The following RASIP1 variants were observed in gnomAD, a reference collection of about 807,000 sequenced individuals.
The protein encoded by RASIP1 is ras-interacting protein 1.
Under a neutral mutation model 85.3 loss-of-function variants are expected in RASIP1, and 20 were observed. That is an observed-to-expected ratio of 0.23 (90% CI 0.17 to 0.34). RASIP1 has a LOEUF of 0.34. Among genes scored for constraint, RASIP1 ranks in the 10% least tolerant of loss-of-function variants. RASIP1 has a pLI of 1.00. For missense variants in RASIP1, 1,170 were observed against 1,390.9 expected (o/e 0.84, Z 2.53); for synonymous variants, 617 against 647.1 (o/e 0.95, Z 0.71).
intron 3 of RASIP1, among the ~76,000 whole-genome samples, chr19:48,735,977 G>A (rs974271468): frequency 6.6e-6 from 1 of 151,224 alleles, no homozygotes; most frequent in Non-Finnish European, 1.5e-5. Context: ...TGTATTTTTA[G>A]TATAGATGGG....
At chr19:48,733,883 A>C (rs918788366) in intron 4 of RASIP1, among the ~76,000 whole-genome samples, 1 of 151,998 alleles carries the variant, frequency 6.6e-6, no homozygotes, top group South Asian at 2.1e-4. Context: ...ACGTGATCCC[A>C]GGCAACAAAT....
Position 48,738,998 on chromosome 19 carries a change from C to A in RASIP1, c.785G>T (p.Arg262Leu), listed in dbSNP as rs1481321913. 4 of 1,244,800 alleles carry A rather than the reference C, an allele frequency of 3.2e-6. No individual in the cohort carries two copies. Among genetic ancestry groups the A allele is most frequent in the South Asian group, 3.3e-5 (1 of 30,334 alleles). The allele number at this position is 1,244,800 out of a possible 1,614,324, so 77.1% of individuals were successfully genotyped here. ...GGCCCCGAAGGCCTCCTGCTCCAGG[C>A]GCCGCGCCTCCTCGCGGCCGCGCAA... The part of the protein sequence containing the change: ...FELRGREEAR[R>L]LEQEAFGAAD... Residue 262 changes from arginine to leucine, a missense_variant, in exon 3 of 12, where the codon CGC becomes CTC. Coordinates refer to ENST00000222145, the MANE Select transcript of RASIP1 (RefSeq NM_017805.3). The surrounding 1 kb of genome is among the most constrained non-coding windows in gnomAD (Gnocchi z 4.0).
At chr19:48,723,803 C>CTTTTTT (rs34173404) in intron 10 of RASIP1, among the ~76,000 whole-genome samples, 2 of 127,026 alleles carry the variant, frequency 1.6e-5, no homozygotes, top group Non-Finnish European at 1.6e-5. Flanking sequence ...ACCCTGGAAA[C>CTTTTTT]TTTTTTTTTT....
Position 48,724,766 on chromosome 19 carries a change from G to C in RASIP1, c.2322C>G (p.Tyr774Ter). ...GGGATGCGTTGGAGAAGAAGAACAA[G>C]TAGCCAAAAGTCTGAGACACGAGGT... ...HPDLVSQTFG[Y>*]LFFFSNASLL... The change falls in exon 9 of 12, where the codon TAC becomes TAG. Residue 774 changes from tyrosine to a stop codon, truncating the protein, a stop_gained. Transcript: ENST00000222145. LOFTEE classifies it high-confidence loss of function. The surrounding 1 kb of genome is among the most constrained non-coding windows in gnomAD (Gnocchi z 4.6). 1 of 1,614,192 alleles carries C rather than the reference G, an allele frequency of 6.2e-7. No individual in the cohort carries two copies. The highest frequency in any genetic ancestry group is 8.5e-7 in the Non-Finnish European group (1 of 1,180,040).
chr19:48,739,664 A>C lies in RASIP1; in HGVS notation c.138-19T>G. The stretch of plus-strand genomic sequence containing the variant: ...AGAAGACCTGGGAGTCCGCCGGGGA[A>C]CAGAGTCGCGGGAGAGAGACCCAGG... On this transcript the variant is annotated intron_variant, in intron 2 of 11. Coordinates refer to ENST00000222145, the MANE Select transcript of RASIP1 (RefSeq NM_017805.3). This position sits in a 1 kb window ranked among gnomAD's most constrained non-coding sequence, Gnocchi z 9.2. 1 of 1,383,198 alleles carries C rather than the reference A, an allele frequency of 7.2e-7. No homozygotes were observed. Among genetic ancestry groups the C allele is most frequent in the South Asian group, 1.6e-5 (1 of 64,308 alleles). The allele number at this position is 1,383,198 out of a possible 1,614,324, so 85.7% of individuals were successfully genotyped here. A position where few individuals can be genotyped will look rare whatever the true frequency, so the allele number is the denominator to read the frequency against.
In RASIP1 at chr19:48,724,688, C is replaced by T. The variant is rs1375684628; in HGVS notation, c.2371+29G>A. The T allele has an allele frequency of 3.7e-6, 6 of 1,613,010 alleles. No homozygotes were observed. The South Asian group carries it at 5.5e-5, about 15-fold the overall frequency. On this transcript the variant is annotated intron_variant, in intron 9 of 11. Coordinates refer to ENST00000222145, the MANE Select transcript of RASIP1 (RefSeq NM_017805.3). This position sits in a 1 kb window ranked among gnomAD's most constrained non-coding sequence, Gnocchi z 4.6. ...GAGTCTCAGTGGCTCCTGTCTTTGC[C>T]TCCCTGACAGCTCCCAGCCAACCTT...
intron 10 of RASIP1, among the ~76,000 whole-genome samples, chr19:48,723,559 CAAA>C (rs56200310): frequency 1.4e-4 from 11 of 77,298 alleles, no homozygotes; most frequent in Admixed American, 4.0e-4. Context: ...GACTCCGTCT[CAAA>C]AAAAAAAAAA....
At position 48,729,005 on chromosome 19, in the gene RASIP1, C is replaced by A; in HGVS notation, c.1765G>T (p.Glu589Ter). 1 of 1,452,088 alleles carries A rather than the reference C, an allele frequency of 6.9e-7. No homozygotes were observed. The allele number at this position is 1,452,088 out of a possible 1,614,324, so 90.0% of individuals were successfully genotyped here. A position where few individuals can be genotyped will look rare whatever the true frequency, so the allele number is the denominator to read the frequency against. ...CGTGGCAGGTGGCCCAGCTCCAGCTCACGGGCGGAATGCTGCACGCACAGC... is the reference window on the plus strand; with the variant it reads ...CGTGGCAGGTGGCCCAGCTCCAGCTAACGGGCGGAATGCTGCACGCACAGC... ...LALCVQHSAR[E>*]LELGHLPRLL... Residue 589 changes from glutamate (E) to a stop codon, truncating the protein, a stop_gained, in exon 5 of 12, where the codon GAG becomes TAG. Coordinates refer to ENST00000222145, the MANE Select transcript of RASIP1 (RefSeq NM_017805.3). LOFTEE classifies it high-confidence loss of function.
At chr19:48,729,768 C>T (rs1056240693) in intron 4 of RASIP1, among the ~76,000 whole-genome samples, 178 bp from the exon 5 acceptor site, 6 of 134,514 alleles carry the variant, frequency 4.5e-5, no homozygotes, top group Admixed American at 4.2e-4. Flanking sequence ...AGGCTGGAGT[C>T]CAGTGGCACG....
At chr19:48,733,445 A>T (rs1187136998) in intron 4 of RASIP1, among the ~76,000 whole-genome samples, 2 of 152,224 alleles carry the variant, frequency 1.3e-5, no homozygotes, top group Non-Finnish European at 2.9e-5. Context: ...AGATAGAAGG[A>T]TCAATACCAC....
rs2033656431 is a variant in RASIP1 at position 48,740,544 on chromosome 19, G to A, written c.-28C>T. 3 of 1,385,404 alleles carry A rather than the reference G, an allele frequency of 2.2e-6. No individual in the cohort carries two copies. The highest frequency in any genetic ancestry group is 2.8e-5 in the East Asian group (1 of 35,522). The allele number at this position is 1,385,404 out of a possible 1,614,324, so 85.8% of individuals were successfully genotyped here. A position where few individuals can be genotyped will look rare whatever the true frequency, so the allele number is the denominator to read the frequency against. On this transcript the variant is annotated 5_prime_UTR_variant, in exon 1 of 12. Transcript: ENST00000222145. This position sits in a 1 kb window ranked among gnomAD's most constrained non-coding sequence, Gnocchi z 5.5. ...ACCCTGCTTCGGGTCCGGCACACCCGGAGGCCCTGGCTCCACTGGCCTGGG... is the reference window on the plus strand; with the variant it reads ...ACCCTGCTTCGGGTCCGGCACACCCAGAGGCCCTGGCTCCACTGGCCTGGG...
Position 48,720,842 on chromosome 19 carries a change from G to A in RASIP1, c.2848C>T (p.Pro950Ser). 1 of 1,614,102 alleles carries A rather than the reference G, an allele frequency of 6.2e-7. No individual in the cohort carries two copies. ...LLWDLEQQELPANYRHGPPVA... is the reference protein window; with the variant it reads ...LLWDLEQQELSANYRHGPPVA... ...GGAGGCCCATGGCGATAATTGGCTG[G>A]CAGCTCCTGCTGCTCAAGATCCCAG... is the stretch of plus-strand genomic sequence containing the variant. Residue 950 changes from proline (P) to serine (S), a missense_variant, in exon 12 of 12, where the codon CCA (proline) becomes TCA (serine). By Grantham distance (74) the Pro-to-Ser change is moderately conservative. Transcript: ENST00000222145.
intron 10 of RASIP1, among the ~76,000 whole-genome samples, chr19:48,723,560 A>T (rs372301481): frequency 3.0e-3 from 1 of 336 alleles, no homozygotes; most frequent in Non-Finnish European, 0.017. Context: ...ACTCCGTCTC[A>T]AAAAAAAAAA....
intron 11 of RASIP1, 104 bp from the exon 12 acceptor site, chr19:48,721,101 C>A: frequency 1.0e-6 from 1 of 991,370 alleles, no homozygotes; most frequent in South Asian, 1.8e-5. Flanking sequence ...AAAAAAACTA[C>A]AAACCCCAGC....
In RASIP1 at chr19:48,734,490, C is replaced by CT. The variant is rs796991108; in HGVS notation, c.1179+705dup. On this transcript the variant is annotated intron_variant, in intron 4 of 11. Transcript: ENST00000222145. ...CACCACGCCCGGCTTTTTTTTCTTT[C>CT]TTTTTTTTTTTTTTTGAGACAGAGT... 3.2e-3 allele frequency among the ~76,000 whole-genome samples: 412 copies of CT among 127,364 alleles called. 9 individuals are homozygous for CT. The highest frequency in any genetic ancestry group is 0.014 in the South Asian group (58 of 4,156). 83.6% of individuals were successfully genotyped at this position (127,364 alleles called of 152,430 possible). A position where few individuals can be genotyped will look rare whatever the true frequency, so the allele number is the denominator to read the frequency against.
intron 4 of RASIP1, among the ~76,000 whole-genome samples, chr19:48,734,018 G>A (rs1218016146): frequency 2.6e-5 from 4 of 152,004 alleles, no homozygotes; most frequent in East Asian, 3.9e-4. Flanking sequence ...TTTTTAGGCC[G>A]GGCACAGTGG....
At chr19:48,727,568 G>T in intron 5 of RASIP1, 138 bp from the exon 6 acceptor site, 2 of 875,400 alleles carry the variant, frequency 2.3e-6, no homozygotes, top group Non-Finnish European at 3.5e-6. Flanking sequence ...TTACTATGTT[G>T]CCACCGGTGG....
Position 48,729,176 on chromosome 19 carries a change from C to T in RASIP1, c.1594G>A (p.Glu532Lys), listed in dbSNP as rs2033399605. ...LCGRGLQERG[E>K]ALAAYLDGRE... ...CCGTCCAGGTAGGCGGCCAGTGCCTCGCCGCGCTCCTGCAGGCCGCGGCCG... is the reference window on the plus strand; with the variant it reads ...CCGTCCAGGTAGGCGGCCAGTGCCTTGCCGCGCTCCTGCAGGCCGCGGCCG... Residue 532 changes from glutamate to lysine, a missense_variant, in exon 5 of 12, where the codon GAG (glutamate) becomes AAG (lysine). This residue lies in a region of RASIP1 where 426 missense variants were observed against 576.2 expected (regional missense o/e 0.74). Transcript: ENST00000222145. The T allele has an allele frequency of 4.7e-6, 6 of 1,284,000 alleles. No individual in the cohort carries two copies. Among genetic ancestry groups the T allele is most frequent in the Non-Finnish European group, 5.9e-6 (6 of 1,013,628 alleles). 79.5% of individuals were successfully genotyped at this position (1,284,000 alleles called of 1,614,324 possible). A position where few individuals can be genotyped will look rare whatever the true frequency, so the allele number is the denominator to read the frequency against.
rs570771837 is a variant in RASIP1 at position 48,729,092 on chromosome 19, C to G, written c.1678G>C (p.Val560Leu). The G allele has an allele frequency of 4.9e-4, 666 of 1,371,286 alleles. No individual in the cohort carries two copies. Among genetic ancestry groups the G allele is most frequent in the Non-Finnish European group, 5.9e-4 (630 of 1,070,398 alleles). 84.9% of individuals were successfully genotyped at this position (1,371,286 alleles called of 1,614,324 possible). Residue 560 changes from valine to leucine, a missense_variant, in exon 5 of 12, where the codon GTG becomes CTG. This residue lies in a region of RASIP1 where 426 missense variants were observed against 576.2 expected (regional missense o/e 0.74). Transcript: ENST00000222145. ...CCCGAGCCGGCGGCTGCGGCGCGCA[C>G]GATCTCGCCCAGCAGCGCCTCCTCC... The part of the protein sequence containing the change: ...REEEALLGEI[V>L]RAAAAGSGDL...
Sources: gnomAD v4.1 joint callset for allele counts (sites outside exome capture counted in the v4.1 genomes callset) on GRCh38, gnomAD v4.1.1 for gene constraint, gnomAD v4.1.1 regional missense constraint, Gnocchi (gnomAD v3.1) non-coding constraint, MANE v1.5 for transcripts, NCBI Gene and HGNC (gene_info 2026-07-23, HGNC 2026-07-21) for gene names.